The following DAB1 variants were observed in gnomAD, a reference collection of about 807,000 sequenced individuals.
DAB1 encodes DAB adaptor protein 1.
DAB1 carries 15 observed loss-of-function variants against 64.6 expected under a neutral mutation model. That is an observed-to-expected ratio of 0.23 (90% CI 0.16 to 0.36). DAB1 has a LOEUF of 0.36. Among genes scored for constraint, DAB1 ranks in the 10% least tolerant of loss-of-function variants. The pLI, the probability that DAB1 is intolerant of heterozygous loss-of-function variation, is 1.00. For missense variants in DAB1, 596 were observed against 706.7 expected (o/e 0.84, Z 1.78); for synonymous variants, 235 against 251.9 (o/e 0.93, Z 0.64).
intron 1 of DAB1, among the ~76,000 whole-genome samples, chr1:57,298,635 G>A (rs909529423): frequency 1.3e-4 from 19 of 151,246 alleles, no homozygotes; most frequent in East Asian, 3.9e-4. Context: ...TTTACCCCAC[G>A]TTATGAAAAA....
intron 7 of DAB1, among the ~76,000 whole-genome samples, chr1:57,439,724 G>T (rs530622339): frequency 1.1e-4 from 17 of 151,714 alleles, no homozygotes; most frequent in Non-Finnish European, 2.2e-4. Context: ...ACCGCACCCG[G>T]CCAGTGATGA....
chr1:58,386,179 T>C (rs974094506), intron 3 of DAB1, among the ~76,000 whole-genome samples: 1 of 152,146 alleles, frequency 6.6e-6, no homozygotes, highest in Non-Finnish European at 1.5e-5. Flanking sequence ...TCCTATGAAA[T>C]GGAGTGGAAG....
chr1:57,117,787 C>G (rs887259857), intron 4 of DAB1, among the ~76,000 whole-genome samples: 1 of 151,532 alleles, frequency 6.6e-6, no homozygotes, highest in African/African-American at 2.4e-5. Flanking sequence ...CTGGTGCTCT[C>G]ACACTGAAAA....
intron 1 of DAB1, among the ~76,000 whole-genome samples, chr1:57,420,093 G>T (rs12093235): frequency 0.11 from 16,782 of 152,258 alleles, 1,702 homozygotes; most frequent in African/African-American, 0.27. Flanking sequence ...AGTCACAAGT[G>T]TTCAAAGTGC....
chr1:58,247,728 T>C (rs1660612470), intron 4 of DAB1, among the ~76,000 whole-genome samples: 1 of 151,958 alleles, frequency 6.6e-6, no homozygotes, highest in South Asian at 2.1e-4. Flanking sequence ...GGGCTAGTAT[T>C]TCCCTCTCTG....
intron 6 of DAB1, among the ~76,000 whole-genome samples, chr1:57,766,088 T>C (rs183207155): frequency 2.6e-4 from 39 of 152,278 alleles, no homozygotes; most frequent in African/African-American, 7.2e-4. Flanking sequence ...ATATCATCTG[T>C]ATTGTGATAA....
chr1:57,944,328 C>T (rs1645152049), intron 5 of DAB1, among the ~76,000 whole-genome samples: 1 of 152,124 alleles, frequency 6.6e-6, no homozygotes, highest in Non-Finnish European at 1.5e-5. Context: ...CTTCAGAGTT[C>T]AGCCCAACAT....
At position 58,340,680 on chromosome 1, in the gene DAB1, C is replaced by T. The variant is rs562127867; in HGVS notation, n.309+2672G>A. On this transcript the variant is annotated intron_variant and non_coding_transcript_variant, in intron 4 of 20. Coordinates refer to the DAB1 transcript ENST00000485760. ...ACGTGCTGTGGCTGGGCCTACCCTA[C>T]ATGGAAACACAGACATCAGGCTGTA... Among the ~76,000 whole-genome samples the T allele has an allele frequency of 5.9e-5, 9 of 152,244 alleles. No individual in the cohort carries two copies. In the East Asian group the frequency reaches 1.7e-3, roughly 29 times the overall value.
chr1:57,381,836 T>C (rs923250540), intron 1 of DAB1, among the ~76,000 whole-genome samples: 1 of 152,168 alleles, frequency 6.6e-6, no homozygotes, highest in East Asian at 1.9e-4. Flanking sequence ...TCAGAGCTGA[T>C]GGTGTGAAAT....
rs570906848 is a variant in DAB1 at position 57,076,402 on chromosome 1, G to C, written c.307-3988C>G. On this transcript the variant is annotated intron_variant, in intron 4 of 14. Transcript: ENST00000371236. ...AGCAGGTATTTGTCTTAAAAGTAGA[G>C]CCTTCAGGAACACCCTAGCTCTCTG... 9.8e-5 allele frequency among the ~76,000 whole-genome samples: 15 copies of C among 152,294 alleles called. No homozygotes were observed. The South Asian group carries it at 2.3e-3, about 23-fold the overall frequency.
At chr1:58,185,396 G>T (rs1657020473) in intron 4 of DAB1, among the ~76,000 whole-genome samples, 1 of 152,134 alleles carries the variant, frequency 6.6e-6, no homozygotes, top group Non-Finnish European at 1.5e-5. Flanking sequence ...AATACATGCT[G>T]GGCAAGCATC....
At chr1:58,155,225 A>C (rs1052001591) in intron 4 of DAB1, among the ~76,000 whole-genome samples, 2 of 152,180 alleles carry the variant, frequency 1.3e-5, no homozygotes, top group Non-Finnish European at 2.9e-5. Context: ...GCAGCTGCCA[A>C]AGTGAAGAAG....
At chr1:58,291,463 A>G (rs1661834571) in intron 4 of DAB1, among the ~76,000 whole-genome samples, 2 of 152,184 alleles carry the variant, frequency 1.3e-5, no homozygotes, top group South Asian at 2.1e-4. Context: ...CTGCTAAAAC[A>G]TAAAGAGTTG....
At chr1:57,572,599 T>C (rs1645205640) in intron 7 of DAB1, among the ~76,000 whole-genome samples, 2 of 152,202 alleles carry the variant, frequency 1.3e-5, no homozygotes, top group Admixed American at 6.5e-5. Context: ...TTAATCCATA[T>C]AAATATTTAG....
At chr1:58,270,569 G>C (rs1207812232) in intron 4 of DAB1, among the ~76,000 whole-genome samples, 2 of 53,576 alleles carry the variant, frequency 3.7e-5, no homozygotes, top group Admixed American at 4.2e-4. Flanking sequence ...GAAAGTCATT[G>C]GTAGCTTGAT....
intron 7 of DAB1, among the ~76,000 whole-genome samples, chr1:57,576,024 C>T (rs531191449): frequency 2.6e-5 from 4 of 152,208 alleles, no homozygotes; most frequent in African/African-American, 9.6e-5. Context: ...ACAGGCAGTC[C>T]CCAACTTAAA....
chr1:58,012,618 T>G (rs1047150806), intron 5 of DAB1, among the ~76,000 whole-genome samples: 1 of 152,256 alleles, frequency 6.6e-6, no homozygotes, highest in Middle Eastern at 3.4e-3. Flanking sequence ...CTGTCATGAA[T>G]GAGATTAGTG....
At chr1:57,171,352 T>C (rs1260640185) in intron 2 of DAB1, among the ~76,000 whole-genome samples, 2 of 152,228 alleles carry the variant, frequency 1.3e-5, no homozygotes, top group East Asian at 3.8e-4. Flanking sequence ...CTTAGTACAA[T>C]GCAAATCACT....
At chr1:57,864,999 T>C (rs1654233037) in intron 1 of DAB1, 1 of 152,206 alleles carries the variant, frequency 6.6e-6, no homozygotes, top group South Asian at 2.1e-4. Context: ...GGCTTACTCC[T>C]GTAGAAGTTT....
Sources: gnomAD v4.1 joint callset for allele counts (sites outside exome capture counted in the v4.1 genomes callset) on GRCh38, gnomAD v4.1.1 for gene constraint, MANE v1.5 for transcripts, NCBI Gene and HGNC (gene_info 2026-07-23, HGNC 2026-07-21) for gene names.